Variants in FBXO45 observed in about 807,000 individuals in gnomAD.
The protein encoded by FBXO45 is F-box protein 45, also known as F-box/SPRY domain-containing protein 1.
In FBXO45, 3 loss-of-function variants were observed where a neutral mutation model predicts 25.5. The observed-to-expected ratio is 0.12, with a 90% CI of 0.05 to 0.30. The LOEUF (loss-of-function observed/expected upper bound fraction) is 0.30, where lower values mean the gene tolerates loss of function less well. Among genes scored for constraint, FBXO45 ranks in the 10% least tolerant of loss-of-function variants. FBXO45 has a pLI of 1.00. For synonymous variants in FBXO45, 155 were observed against 149.8 expected (o/e 1.03, Z -0.25); for missense variants, 219 against 365.0 (o/e 0.60, Z 3.26).
At chr3:196,576,032 C>T (rs902784698) in intron 1 of FBXO45, among the ~76,000 whole-genome samples, 2 of 152,120 alleles carry the variant, frequency 1.3e-5, no homozygotes, top group African/African-American at 4.8e-5. Context: ...TTTTATAATA[C>T]GAGCAGATAG....
chr3:196,578,046 C>CTTTTTTTTTTTGT (rs1553874564), intron 2 of FBXO45, among the ~76,000 whole-genome samples: 17 of 94,054 alleles, frequency 1.8e-4, no homozygotes, highest in Admixed American at 6.9e-4. Context: ...GAAAAATATT[C>CTTTTTTTTTTTGT]TTTTTTTTTT....
At position 196,570,705 on chromosome 3, in the gene FBXO45, CTTTTTTCTTTTT is replaced by C. The variant is rs1211659503; in HGVS notation, c.318+1410_318+1421del. ...TAAACTATCAAGTTGTTTCTCTTTT[CTTTTTTCTTTTT>C]TTTTTTTTTTTTGAGACGGAGTCTC... On this transcript the variant is annotated intron_variant, in intron 1 of 2. Coordinates refer to ENST00000311630, the MANE Select transcript of FBXO45 (RefSeq NM_001105573.2). Among the ~76,000 whole-genome samples, 208 of 136,338 alleles carry C rather than the reference CTTTTTTCTTTTT, an allele frequency of 1.5e-3. 1 individual carries two copies. The highest frequency in any genetic ancestry group is 5.9e-3 in the Admixed American group (74 of 12,554). 89.4% of individuals were successfully genotyped at this position (136,338 alleles called of 152,430 possible). A position where few individuals can be genotyped will look rare whatever the true frequency, so the allele number is the denominator to read the frequency against.
In FBXO45 at chr3:196,584,280, G is replaced by A; in HGVS notation, c.823G>A (p.Val275Met). Residue 275 changes from valine (V) to methionine (M), a missense_variant, in exon 3 of 3, where the codon GTG (valine) becomes ATG (methionine). Around this residue, in one of 4 missense-constraint regions of FBXO45, gnomAD observed 16 missense variants for 52.3 expected, o/e 0.31. Coordinates refer to ENST00000311630, the MANE Select transcript of FBXO45 (RefSeq NM_001105573.2). This position sits in a 1 kb window ranked among gnomAD's most constrained non-coding sequence, Gnocchi z 4.3. The part of the protein sequence containing the change: ...AVSAVYGNTE[V>M]TLVYLGKPLD... ...TTCTGCTGTATATGGCAACACAGAA[G>A]TGACTTTGGTTTACCTTGGAAAACC... 1.9e-6 allele frequency: 3 copies of A among 1,609,266 alleles called. No homozygotes were observed. The highest frequency in any genetic ancestry group is 2.5e-6 in the Non-Finnish European group (3 of 1,178,904).
At chr3:196,570,969 C>G (rs1275747718) in intron 1 of FBXO45, among the ~76,000 whole-genome samples, 1 of 152,142 alleles carries the variant, frequency 6.6e-6, no homozygotes, top group Non-Finnish European at 1.5e-5. Flanking sequence ...CTTGGCCTCC[C>G]AAAGTGCTGG....
intron 2 of FBXO45, among the ~76,000 whole-genome samples, chr3:196,579,932 A>G (rs550184398): frequency 1.3e-5 from 2 of 151,830 alleles, no homozygotes; most frequent in South Asian, 4.2e-4. Context: ...TTGTATTTAA[A>G]GTGGAGCTCC....
At position 196,584,442 on chromosome 3, in the gene FBXO45, C is replaced by A; in HGVS notation, c.*124C>A. Reference sequence around the variant, plus strand: ...TCCTGAAAACACATGAAGTCGTAAACTGGAGAAGCAGCTCTACAGCAGAGA... The same window carrying A: ...TCCTGAAAACACATGAAGTCGTAAAATGGAGAAGCAGCTCTACAGCAGAGA... On this transcript the variant is annotated 3_prime_UTR_variant, in exon 3 of 3. Transcript: ENST00000311630. This position sits in a 1 kb window ranked among gnomAD's most constrained non-coding sequence, Gnocchi z 4.3. 1.2e-6 allele frequency: 1 copy of A among 823,332 alleles called. No individual in the cohort carries two copies. Among genetic ancestry groups the A allele is most frequent in the Non-Finnish European group, 1.8e-6 (1 of 545,782 alleles). The allele number at this position is 823,332 out of a possible 1,614,324, so 51.0% of individuals were successfully genotyped here.
At chr3:196,577,022 C>T (rs541401137) in intron 1 of FBXO45, among the ~76,000 whole-genome samples, 1 of 152,280 alleles carries the variant, frequency 6.6e-6, no homozygotes, top group South Asian at 2.1e-4. Context: ...ATACCCATCA[C>T]CAAGCTTTGC....
chr3:196,580,498 C>T (rs538373248), intron 2 of FBXO45, among the ~76,000 whole-genome samples: 116 of 152,212 alleles, frequency 7.6e-4, no homozygotes, highest in African/African-American at 2.7e-3. Flanking sequence ...GCATGAGCCA[C>T]CATGCCTGGC....
At chr3:196,573,933 T>C (rs1272326683) in intron 1 of FBXO45, among the ~76,000 whole-genome samples, 5 of 115,676 alleles carry the variant, frequency 4.3e-5, no homozygotes, top group Non-Finnish European at 8.4e-5. Context: ...TTGGTCTTTA[T>C]TTTCCTTTTT....
At chr3:196,580,778 C>CA (rs931091065) in intron 2 of FBXO45, among the ~76,000 whole-genome samples, 1 of 146,580 alleles carries the variant, frequency 6.8e-6, no homozygotes, top group Non-Finnish European at 1.5e-5. Flanking sequence ...ATTTCTTTTC[C>CA]TTTTTTTTTT....
intron 2 of FBXO45, among the ~76,000 whole-genome samples, chr3:196,581,316 C>T (rs894487395): frequency 5.6e-5 from 8 of 143,598 alleles, no homozygotes; most frequent in East Asian, 4.2e-4. Context: ...CTGCAGCCAC[C>T]GACTCCCGGG....
Position 196,584,402 on chromosome 3 carries a change from C to T in FBXO45, c.*84C>T. 8.2e-7 allele frequency: 1 copy of T among 1,214,508 alleles called. No homozygotes were observed. Among genetic ancestry groups the T allele is most frequent in the Non-Finnish European group, 1.1e-6 (1 of 885,252 alleles). The allele number at this position is 1,214,508 out of a possible 1,614,324, so 75.2% of individuals were successfully genotyped here. On this transcript the variant is annotated 3_prime_UTR_variant, in exon 3 of 3. Transcript: ENST00000311630. This position sits in a 1 kb window ranked among gnomAD's most constrained non-coding sequence, Gnocchi z 4.3. ...AACCATGAAGTGACTGTCACACATG[C>T]ATGTCCAAGAAACATCCTGAAAACA...
intron 2 of FBXO45, among the ~76,000 whole-genome samples, chr3:196,578,115 A>C (rs912514377): frequency 2.4e-4 from 34 of 143,078 alleles, no homozygotes; most frequent in Admixed American, 1.5e-4. Flanking sequence ...AACTCGGCTC[A>C]CTGCAACCTG....
At chr3:196,573,772 A>G (rs1295198176) in intron 1 of FBXO45, among the ~76,000 whole-genome samples, 1 of 151,974 alleles carries the variant, frequency 6.6e-6, no homozygotes, top group Non-Finnish European at 1.5e-5. Context: ...ACCCCGTAGC[A>G]TTAATTATTT....
At chr3:196,581,185 T>TAC (rs1234420598) in intron 2 of FBXO45, among the ~76,000 whole-genome samples, 27 of 151,474 alleles carry the variant, frequency 1.8e-4, no homozygotes, top group Non-Finnish European at 3.4e-4. Flanking sequence ...TTGCTTATTG[T>TAC]ACACTTCAGC....
In FBXO45 at chr3:196,585,657, A is replaced by C. The variant is rs999871666; in HGVS notation, c.*1339A>C. 2.0e-5 allele frequency: 3 copies of C among 152,236 alleles called. No homozygotes were observed. The highest frequency in any genetic ancestry group is 7.2e-5 in the African/African-American group (3 of 41,466). 9.4% of individuals were successfully genotyped at this position (152,236 alleles called of 1,614,324 possible). A position where few individuals can be genotyped will look rare whatever the true frequency, so the allele number is the denominator to read the frequency against. ...TGACTTACAAATCTTGTTTCTCATCACTAAAATGCTTTTGAATTAATAATC... is the reference window on the plus strand; with the variant it reads ...TGACTTACAAATCTTGTTTCTCATCCCTAAAATGCTTTTGAATTAATAATC... On this transcript the variant is annotated 3_prime_UTR_variant, in exon 3 of 3. Coordinates refer to ENST00000311630, the MANE Select transcript of FBXO45 (RefSeq NM_001105573.2).
chr3:196,574,047 G>T (rs981702186), intron 1 of FBXO45, among the ~76,000 whole-genome samples: 4 of 146,890 alleles, frequency 2.7e-5, no homozygotes, highest in African/African-American at 1.0e-4. Context: ...AAGTGATTCT[G>T]CCTCAGCCTC....
Position 196,584,112 on chromosome 3 carries a change from C to T in FBXO45, c.676-21C>T, listed in dbSNP as rs188774191. On this transcript the variant is annotated intron_variant, in intron 2 of 2. Coordinates refer to ENST00000311630, the MANE Select transcript of FBXO45 (RefSeq NM_001105573.2). The surrounding 1 kb of genome is among the most constrained non-coding windows in gnomAD (Gnocchi z 4.3). ...ACACCCTTGGCAGATTTTCTTCTAA[C>T]CTTTTGATATCTGTTTGCAGATAGG... 810 of 1,609,058 alleles carry T rather than the reference C, an allele frequency of 5.0e-4. 4 individuals are homozygous for T. Among genetic ancestry groups the T allele is most frequent in the African/African-American group, 2.4e-3 (182 of 74,586 alleles).
chr3:196,575,602 A>G (rs2108726963), intron 1 of FBXO45, among the ~76,000 whole-genome samples: 1 of 151,910 alleles, frequency 6.6e-6, no homozygotes, highest in South Asian at 2.1e-4. Context: ...TATTCTCTTG[A>G]GTTATTTAGA....
Sources: gnomAD v4.1 joint callset for allele counts (sites outside exome capture counted in the v4.1 genomes callset) on GRCh38, gnomAD v4.1.1 for gene constraint, gnomAD v4.1.1 regional missense constraint, Gnocchi (gnomAD v3.1) non-coding constraint, MANE v1.5 for transcripts, NCBI Gene and HGNC (gene_info 2026-07-23, HGNC 2026-07-21) for gene names.